METTL17: variants seen among roughly 807,000 people sequenced by gnomAD.
METTL17 encodes the protein ribosome assembly protein METTL17, mitochondrial.
In METTL17, 49 loss-of-function variants were observed where a neutral mutation model predicts 59.4. The observed-to-expected ratio is 0.82, with a 90% CI of 0.66 to 1.05. The LOEUF is 1.05. Ranked by LOEUF, METTL17 falls within the 50% of genes least tolerant of loss-of-function variation. The pLI is 0.00. For missense variants in METTL17, 555 were observed against 578.4 expected, an observed-to-expected ratio of 0.96 and a Z score of 0.41; for synonymous variants, 208 against 209.2, an observed-to-expected ratio of 0.99 and a Z score of 0.05.
At position 20,990,557 on chromosome 14, in the gene METTL17, G is replaced by C; in HGVS notation, c.323G>C (p.Arg108Thr). 6.2e-7 allele frequency: 1 copy of C among 1,614,260 alleles called. No individual in the cohort carries two copies. The highest frequency in any genetic ancestry group is 8.5e-7 in the Non-Finnish European group (1 of 1,180,050). ...CCTGTAGAGCCAGAGGAGTTGCAAA[G>C]ACGGGCTAGGCATCTTGAGAAAAAA... ...HLPVEPEELQ[R>T]RARHLEKKFL... is the part of the protein sequence containing the mutation. The change falls in exon 3 of 14, where the codon AGA becomes ACA. Residue 108 changes from arginine (R) to threonine (T), a missense_variant. Arg to Thr is a moderately conservative substitution (Grantham distance 71, BLOSUM62 -1). Transcript: ENST00000339374.
In METTL17 at chr14:20,992,632, C is replaced by G. The variant is rs768498848; in HGVS notation, c.528+10C>G. 8 of 1,607,172 alleles carry G rather than the reference C, an allele frequency of 5.0e-6. No homozygotes were observed. In the East Asian group the frequency reaches 1.3e-4, roughly 27 times the overall value. ...CAGAGCATTCCATGAGGTGAAAGTC[C>G]CTTAACTTCCAACCTGAACTTTTTG... On this transcript the variant is annotated intron_variant, in intron 5 of 13. Coordinates refer to ENST00000339374, the MANE Select transcript of METTL17 (RefSeq NM_022734.3).
Position 20,996,056 on chromosome 14 carries a change from A to G in METTL17, c.996+105A>G, listed in dbSNP as rs1302104203. On this transcript the variant is annotated intron_variant, in intron 11 of 13. Transcript: ENST00000339374. The stretch of plus-strand genomic sequence containing the variant: ...CCACTCTCCACTACTTTGTGTTCCT[A>G]TCCAGTTCCTACCTAATGATTCCCC... The G allele has an allele frequency of 3.7e-6, 5 of 1,364,476 alleles. No individual in the cohort carries two copies. The African/African-American group carries it at 5.7e-5, about 16-fold the overall frequency. The allele number at this position is 1,364,476 out of a possible 1,614,324, so 84.5% of individuals were successfully genotyped here. A position where few individuals can be genotyped will look rare whatever the true frequency, so the allele number is the denominator to read the frequency against.
In METTL17 at chr14:20,996,883, A is replaced by G. The variant is rs753198152; in HGVS notation, c.1364A>G (p.Glu455Gly). The change falls in exon 14 of 14, where the codon GAG becomes GGG. Residue 455 changes from glutamate to glycine, a missense_variant. By Grantham distance (98) the Glu-to-Gly change is moderately conservative (BLOSUM62 -2). Coordinates refer to ENST00000339374, the MANE Select transcript of METTL17 (RefSeq NM_022734.3). ...FPPSTAQDPS[E>G]S is the part of the protein sequence containing the mutation. Reference sequence around the variant, plus strand: ...CCATCTACGGCTCAGGATCCCTCTGAGAGTTGATGAGGATGTGTAACAAGT... The same window carrying G: ...CCATCTACGGCTCAGGATCCCTCTGGGAGTTGATGAGGATGTGTAACAAGT... 2 of 1,605,458 alleles carry G rather than the reference A, an allele frequency of 1.2e-6. No individual in the cohort carries two copies. The highest frequency in any genetic ancestry group is 1.7e-6 in the Non-Finnish European group (2 of 1,174,896).
rs1189837158 is a variant in METTL17 at position 20,990,216 on chromosome 14, TTCTC to T, written c.76-12_76-9del. 1.9e-6 allele frequency: 3 copies of T among 1,614,022 alleles called. No homozygotes were observed. In the Admixed American group the frequency reaches 5.0e-5, roughly 27 times the overall value. Reference sequence around the variant, plus strand: ...TTTCTGCCAGGAAATCAACCTACCTTTCTCTGCCTGCAGGCGCTCGCCGCCTTAG... The same window carrying T: ...TTTCTGCCAGGAAATCAACCTACCTTTGCCTGCAGGCGCTCGCCGCCTTAG... On this transcript the variant is annotated splice_polypyrimidine_tract_variant and intron_variant, in intron 1 of 13. Coordinates refer to ENST00000339374, the MANE Select transcript of METTL17 (RefSeq NM_022734.3).
chr14:20,993,504 C>G (rs889356549), intron 6 of METTL17: 1 of 319,702 alleles, frequency 3.1e-6, no homozygotes, highest in Non-Finnish European at 5.7e-6. Context: ...GAAACGGTGT[C>G]TCACTCTGTC....
chr14:20,992,299 CT>C (rs1880074118), intron 4 of METTL17, 94 bp downstream of exon 4: 1 of 837,028 alleles, frequency 1.2e-6, no homozygotes, highest in Admixed American at 2.4e-5. Flanking sequence ...TTAGTATTTT[CT>C]TTTATATCAC....
chr14:20,993,079 T>G (rs767815498), intron 5 of METTL17, 39 bp from the exon 6 acceptor site: 2 of 1,570,468 alleles, frequency 1.3e-6, no homozygotes, highest in South Asian at 2.2e-5. Context: ...TAAATAAGTA[T>G]CTAATTACCC....
chr14:20,994,620 G>A lies in METTL17; in HGVS notation c.768+7G>A. ...TCTACCTGTATCACCCAAGGCAAGT[G>A]GCAGTGTTTAGAATATTCTAAATGT... On this transcript the variant is annotated splice_region_variant and intron_variant, in intron 8 of 13. Coordinates refer to ENST00000339374, the MANE Select transcript of METTL17 (RefSeq NM_022734.3). 3 of 1,613,542 alleles carry A rather than the reference G, an allele frequency of 1.9e-6. No homozygotes were observed. In the Middle Eastern group the frequency reaches 4.9e-4, roughly 266 times the overall value.
chr14:20,995,408 G>C (rs575284798), intron 10 of METTL17, among the ~76,000 whole-genome samples, 175 bp downstream of exon 10: 1 of 152,190 alleles, frequency 6.6e-6, no homozygotes, highest in Non-Finnish European at 1.5e-5. Context: ...GATCAAATCC[G>C]ACCTGCCACC....
At chr14:20,992,767 C>T in intron 5 of METTL17, 145 bp downstream of exon 5, 1 of 658,148 alleles carries the variant, frequency 1.5e-6, no homozygotes, top group East Asian at 2.7e-5. Context: ...TGGGCTCCTG[C>T]CTGCAGTCCC....
chr14:20,996,851 GT>G lies in METTL17; in HGVS notation c.1335del (p.Pro446LeufsTer16), dbSNP rs752755033. ...TTTTACCTGTGCTTACTCCGTCTGC[GT>G]TTCCTCCATCTACGGCTCAGGATCC... ...DLLPVLTPSAFPPSTAQDPSE... is the reference protein window; with the variant it reads ...DLLPVLTPSAXPPSTAQDPSE... On this transcript the variant is annotated frameshift_variant, in exon 14 of 14. Coordinates refer to ENST00000339374, the MANE Select transcript of METTL17 (RefSeq NM_022734.3). LOFTEE classifies it high-confidence loss of function. 1.2e-6 allele frequency: 2 copies of G among 1,613,336 alleles called. No individual in the cohort carries two copies. Among genetic ancestry groups the G allele is most frequent in the Non-Finnish European group, 1.7e-6 (2 of 1,179,818 alleles).
intron 3 of METTL17, chr14:20,990,810 T>TCTTG (rs1555321031): frequency 2.2e-6 from 1 of 451,840 alleles, no homozygotes; most frequent in Non-Finnish European, 4.0e-6. Flanking sequence ...GTATACTGTT[T>TCTTG]TTTGTTTGTT....
chr14:20,993,189 C>G lies in METTL17; in HGVS notation c.600C>G (p.Thr200=), dbSNP rs147408088. Residue 200 remains threonine (T), a splice_region_variant and synonymous_variant, in exon 6 of 14, where the codon ACC becomes ACG. Transcript: ENST00000339374. The part of the protein sequence containing the change: ...MDFGSGTGSV[T]WAAHSIWGQS... Reference sequence around the variant, plus strand: ...TTGGCTCAGGTACTGGTTCTGTCACCTGGTGAGTAACTTTCTTCAGCCCTA... The same window carrying G: ...TTGGCTCAGGTACTGGTTCTGTCACGTGGTGAGTAACTTTCTTCAGCCCTA... 25 of 1,613,878 alleles carry G rather than the reference C, an allele frequency of 1.5e-5. No homozygotes were observed. The highest frequency in any genetic ancestry group is 1.9e-5 in the Non-Finnish European group (23 of 1,179,892).
intron 10 of METTL17, among the ~76,000 whole-genome samples, chr14:20,995,449 C>T (rs1880316183): frequency 6.6e-6 from 1 of 152,212 alleles, no homozygotes; most frequent in African/African-American, 2.4e-5. Flanking sequence ...TTATTTGTGC[C>T]TCTGTTGTCT....
rs376653471 is a variant in METTL17 at position 20,993,622 on chromosome 14, A to G, written c.603-347A>G. On this transcript the variant is annotated intron_variant, in intron 6 of 13. Coordinates refer to ENST00000339374, the MANE Select transcript of METTL17 (RefSeq NM_022734.3). ...CCCGAGTAGCTGGGACTACAGGTGC[A>G]CGCCACCACACCCAGCTAATTTTTG... 274 of 216,476 alleles carry G rather than the reference A, an allele frequency of 1.3e-3. 2 individuals are homozygous for G. Among genetic ancestry groups the G allele is most frequent in the Middle Eastern group, 5.2e-3 (3 of 578 alleles). The allele number at this position is 216,476 out of a possible 1,614,324, so 13.4% of individuals were successfully genotyped here. A position where few individuals can be genotyped will look rare whatever the true frequency, so the allele number is the denominator to read the frequency against.
Position 20,990,292 on chromosome 14 carries a change from G to A in METTL17, c.138G>A (p.Lys46=), listed in dbSNP as rs144424590. Residue 46 remains lysine (K), a synonymous_variant, in exon 2 of 14, where the codon AAG becomes AAA. Coordinates refer to ENST00000339374, the MANE Select transcript of METTL17 (RefSeq NM_022734.3). ...ATAACAAGTCCGGTTTCCTGCAGAAGAGGCCTCATCGCCAGCACCCTGGCA... is the reference window on the plus strand; with the variant it reads ...ATAACAAGTCCGGTTTCCTGCAGAAAAGGCCTCATCGCCAGCACCCTGGCA... ...QVDNKSGFLQ[K]RPHRQHPGIL... The A allele has an allele frequency of 1.2e-6, 2 of 1,614,256 alleles. No individual in the cohort carries two copies. The highest frequency in any genetic ancestry group is 1.3e-5 in the African/African-American group (1 of 75,070).
intron 6 of METTL17, 115 bp from the exon 7 acceptor site, chr14:20,993,854 T>C: frequency 1.6e-6 from 1 of 623,156 alleles, no homozygotes. Flanking sequence ...ACTATACAAC[T>C]ACTTTAACAT....
At chr14:20,994,492 T>C (rs1445111556) in intron 7 of METTL17, 51 bp from the exon 8 acceptor site, 3 of 1,465,862 alleles carry the variant, frequency 2.0e-6, no homozygotes, top group African/African-American at 1.4e-5. Context: ...ATCTCTTCAG[T>C]TTATACCTAA....
At chr14:20,993,906 C>A in intron 6 of METTL17, 63 bp from the exon 7 acceptor site, 2 of 1,227,478 alleles carry the variant, frequency 1.6e-6, no homozygotes, top group Non-Finnish European at 2.4e-6. Flanking sequence ...TGTAAATGGG[C>A]CTCTTGTAGA....
Sources: allele counts gnomAD v4.1 joint callset (sites outside exome capture counted in the v4.1 genomes callset), GRCh38; gene constraint gnomAD v4.1.1; transcripts MANE v1.5; gene names NCBI Gene and HGNC (gene_info 2026-07-23, HGNC 2026-07-21).